Variants in BIN1 observed in about 807,000 individuals in gnomAD.
The protein encoded by BIN1 is bridging integrator 1.
A neutral mutation model predicts 82.0 loss-of-function variants in BIN1; 53 were observed. That is an observed-to-expected ratio of 0.65 (90% CI 0.52 to 0.81). The LOEUF is 0.81. Ranked by LOEUF, BIN1 falls within the 40% of genes least tolerant of loss-of-function variation. The pLI is 0.00. For missense variants in BIN1, 642 were observed against 784.4 expected (o/e 0.82, Z 2.17); for synonymous variants, 302 against 328.0 (o/e 0.92, Z 0.86).
At chr2:127,058,874 C>T in intron 11 of BIN1, 137 bp downstream of exon 11, 1 of 1,346,548 alleles carries the variant, frequency 7.4e-7, no homozygotes, top group Non-Finnish European at 1.0e-6. Flanking sequence ...CAGGCCCAAC[C>T]CCCACTGGGC....
chr2:127,084,437 A>T (rs973608662), intron 1 of BIN1, among the ~76,000 whole-genome samples: 2 of 152,156 alleles, frequency 1.3e-5, no homozygotes, highest in Non-Finnish European at 2.9e-5. Flanking sequence ...GTCCTCATTC[A>T]TCTCCAGGCG....
intron 10 of BIN1, among the ~76,000 whole-genome samples, chr2:127,061,662 C>A (rs906965704): frequency 1.3e-5 from 2 of 152,170 alleles, no homozygotes; most frequent in East Asian, 3.9e-4. Flanking sequence ...AGAGGATGCT[C>A]GTGTGGTTGA....
At chr2:127,071,992 A>G (rs1418108185) in intron 2 of BIN1, among the ~76,000 whole-genome samples, 1 of 152,104 alleles carries the variant, frequency 6.6e-6, no homozygotes, top group African/African-American at 2.4e-5. Context: ...TGACCTTCGT[A>G]GTAGAAGGGC....
Position 127,068,223 on chromosome 2 carries a change from C to G in BIN1, c.552G>C (p.Gln184His). 1.2e-6 allele frequency: 2 copies of G among 1,613,628 alleles called. No individual in the cohort carries two copies. The highest frequency in any genetic ancestry group is 1.7e-6 in the Non-Finnish European group (2 of 1,179,966). Residue 184 changes from glutamine to histidine, a missense_variant, in exon 7 of 19, where the codon CAG becomes CAC. Physicochemically the swap from Gln to His is conservative, Grantham distance 24 (BLOSUM62 0). Transcript: ENST00000316724. The surrounding 1 kb of genome is among the most constrained non-coding windows in gnomAD (Gnocchi z 4.9). The part of the protein sequence containing the change: ...PVSLLEKAAP[Q>H]WCQGKLQAHL... ...GAGCCTGCAGTTTGCCTTGGCACCACTGGGGGGCGGCTTTCTCAAGCAGCG... is the reference window on the plus strand; with the variant it reads ...GAGCCTGCAGTTTGCCTTGGCACCAGTGGGGGGCGGCTTTCTCAAGCAGCG...
At chr2:127,086,585 G>A (rs10929006) in intron 1 of BIN1, among the ~76,000 whole-genome samples, 56,596 of 150,154 alleles carry the variant, frequency 0.38, 10,838 homozygotes, top group Non-Finnish European at 0.41. Flanking sequence ...TCGGCTCACC[G>A]CAACCTCTGC....
At chr2:127,094,051 C>T (rs1240184515) in intron 1 of BIN1, among the ~76,000 whole-genome samples, 2 of 152,202 alleles carry the variant, frequency 1.3e-5, no homozygotes, top group African/African-American at 4.8e-5. Context: ...GGCACCCCGA[C>T]CTTCAGGGTC....
intron 1 of BIN1, among the ~76,000 whole-genome samples, chr2:127,088,853 A>G (rs1474056944): frequency 1.3e-5 from 2 of 152,172 alleles, no homozygotes; most frequent in African/African-American, 2.4e-5. Context: ...ATGAAGGAGC[A>G]AGACACCAGG....
At chr2:127,064,110 G>T in intron 7 of BIN1, 92 bp from the exon 8 acceptor site, 1 of 1,464,752 alleles carries the variant, frequency 6.8e-7, no homozygotes, top group Non-Finnish European at 9.5e-7. Flanking sequence ...CACCCCTCTT[G>T]GCCAGTGCGC....
At chr2:127,102,049 T>C (rs1680421317) in intron 1 of BIN1, among the ~76,000 whole-genome samples, 1 of 152,198 alleles carries the variant, frequency 6.6e-6, no homozygotes, top group Non-Finnish European at 1.5e-5. Flanking sequence ...GGGCTTTACT[T>C]CCCACAACAC....
In BIN1 at chr2:127,057,341, T is replaced by C; in HGVS notation, c.1131+132A>G. The C allele has an allele frequency of 3.3e-6, 4 of 1,221,530 alleles. No homozygotes were observed. The highest frequency in any genetic ancestry group is 4.4e-6 in the Non-Finnish European group (4 of 916,018). The allele number at this position is 1,221,530 out of a possible 1,614,324, so 75.7% of individuals were successfully genotyped here. A position where few individuals can be genotyped will look rare whatever the true frequency, so the allele number is the denominator to read the frequency against. The stretch of plus-strand genomic sequence containing the variant: ...GATGATGGATGGAGGGAACAAAGGG[T>C]GAGAGAGGGAAACTGACACTCTCTC... On this transcript the variant is annotated intron_variant, in intron 12 of 18. Coordinates refer to ENST00000316724, the MANE Select transcript of BIN1 (RefSeq NM_139343.3). The surrounding 1 kb of genome is among the most constrained non-coding windows in gnomAD (Gnocchi z 5.0).
At chr2:127,089,263 GA>G (rs992197154) in intron 1 of BIN1, among the ~76,000 whole-genome samples, 1 of 152,124 alleles carries the variant, frequency 6.6e-6, no homozygotes, top group Admixed American at 6.5e-5. Flanking sequence ...GAGGCCCCTG[GA>G]AGACTCTGGC....
chr2:127,103,082 A>C lies in BIN1; in HGVS notation c.84+3778T>G, dbSNP rs1364920853. Reference sequence around the variant, plus strand: ...CGGGACCCCTGCAAAGTCAGTGGCCAAGGTGAGGAGACCAGGGCCTCTGGG... The same window carrying C: ...CGGGACCCCTGCAAAGTCAGTGGCCCAGGTGAGGAGACCAGGGCCTCTGGG... On this transcript the variant is annotated intron_variant, in intron 1 of 18. Transcript: ENST00000316724. Among the ~76,000 whole-genome samples the C allele has an allele frequency of 2.0e-5, 3 of 152,164 alleles. No individual in the cohort carries two copies. The East Asian group carries it at 5.8e-4, about 29-fold the overall frequency.
In BIN1 at chr2:127,057,333, A is replaced by C; in HGVS notation, c.1131+140T>G. ...TGATGGAGGATGATGGATGGAGGGA[A>C]CAAAGGGTGAGAGAGGGAAACTGAC... On this transcript the variant is annotated intron_variant, in intron 12 of 18. Coordinates refer to ENST00000316724, the MANE Select transcript of BIN1 (RefSeq NM_139343.3). The surrounding 1 kb of genome is among the most constrained non-coding windows in gnomAD (Gnocchi z 5.0). The C allele has an allele frequency of 4.3e-6, 5 of 1,150,808 alleles. No individual in the cohort carries two copies. The highest frequency in any genetic ancestry group is 2.8e-5 in the East Asian group (1 of 35,568). The allele number at this position is 1,150,808 out of a possible 1,614,324, so 71.3% of individuals were successfully genotyped here. A position where few individuals can be genotyped will look rare whatever the true frequency, so the allele number is the denominator to read the frequency against.
rs1251749579 is a variant in BIN1, at chr2:127,067,664, A to G, written c.612+499T>C. On this transcript the variant is annotated intron_variant, in intron 7 of 18. Transcript: ENST00000316724. The surrounding 1 kb of genome is among the most constrained non-coding windows in gnomAD (Gnocchi z 4.7). The stretch of plus-strand genomic sequence containing the variant: ...GGAAAATGACGCAGGGGCTTCAGTC[A>G]GGAGAGCCCCAACCCTGCCCCTAAC... Among the ~76,000 whole-genome samples, 1 of 152,210 alleles carries G rather than the reference A, an allele frequency of 6.6e-6. No homozygotes were observed. The highest frequency in any genetic ancestry group is 1.9e-4 in the East Asian group (1 of 5,196).
rs1683840025 is a variant in BIN1, at chr2:127,057,445, G to A, written c.1131+28C>T. 6.5e-7 allele frequency: 1 copy of A among 1,539,406 alleles called. No homozygotes were observed. The highest frequency in any genetic ancestry group is 8.8e-7 in the Non-Finnish European group (1 of 1,141,094). On this transcript the variant is annotated intron_variant, in intron 12 of 18. Transcript: ENST00000316724. The surrounding 1 kb of genome is among the most constrained non-coding windows in gnomAD (Gnocchi z 5.0). The stretch of plus-strand genomic sequence containing the variant: ...GCCCTGAGAGGGCAGGAAGAGAGGA[G>A]AGCTGGGCCGCGGCGGCCGCGGCTG...
Position 127,052,269 on chromosome 2 carries a change from G to T in BIN1, c.1357C>A (p.Pro453Thr), listed in dbSNP as rs1216904075. The T allele has an allele frequency of 1.9e-6, 3 of 1,575,596 alleles. No homozygotes were observed. The highest frequency in any genetic ancestry group is 2.6e-6 in the Non-Finnish European group (3 of 1,160,432). Residue 453 changes from proline (P) to threonine (T), a missense_variant, in exon 15 of 19, where the codon CCG (proline) becomes ACG (threonine). By Grantham distance (38) the Pro-to-Thr change is conservative (BLOSUM62 -1). Coordinates refer to ENST00000316724, the MANE Select transcript of BIN1 (RefSeq NM_139343.3). ...TGGGCACTTACTTGGGCAGGCCCCG[G>T]CTCGGCCGTCTGGCTGGGCCAGGAC... is the stretch of plus-strand genomic sequence containing the variant. ...AVSWPSQTAEPGPAQPAEASE... is the reference protein window; with the variant it reads ...AVSWPSQTAETGPAQPAEASE...
intron 1 of BIN1, among the ~76,000 whole-genome samples, chr2:127,089,083 T>C (rs1678573654): frequency 6.6e-6 from 1 of 151,900 alleles, no homozygotes; most frequent in African/African-American, 2.4e-5. Context: ...CTCCATAACC[T>C]CATGAAGGAA....
chr2:127,061,679 T>C (rs1684510459), intron 10 of BIN1, among the ~76,000 whole-genome samples: 1 of 152,146 alleles, frequency 6.6e-6, no homozygotes, highest in African/African-American at 2.4e-5. Flanking sequence ...TTGAGCAGAA[T>C]GCTGCCATCC....
intron 1 of BIN1, among the ~76,000 whole-genome samples, chr2:127,102,940 C>T (rs958653522): frequency 6.6e-5 from 10 of 152,136 alleles, no homozygotes; most frequent in African/African-American, 7.2e-5. Context: ...AGACAGTAGC[C>T]GGCAGGGAAG....
Sources: gnomAD v4.1 joint callset for allele counts (sites outside exome capture counted in the v4.1 genomes callset) on GRCh38, gnomAD v4.1.1 for gene constraint, Gnocchi (gnomAD v3.1) non-coding constraint, MANE v1.5 for transcripts, NCBI Gene and HGNC (gene_info 2026-07-23, HGNC 2026-07-21) for gene names.